The following C4orf50 variants were observed in gnomAD, a reference collection of about 807,000 sequenced individuals.
C4orf50 encodes chromosome 4 open reading frame 50, also known as uncharacterized protein C4orf50.
Under a neutral mutation model 77.2 loss-of-function variants are expected in C4orf50, and 80 were observed. The ratio of observed to expected loss-of-function variants is 1.04; its 90% CI spans 0.87 to 1.25. The LOEUF (loss-of-function observed/expected upper bound fraction) is 1.25, where lower values mean the gene tolerates loss of function less well. Among genes scored for constraint, C4orf50 ranks in the 50% most tolerant of loss-of-function variants. C4orf50 has a pLI of 0.00. For missense variants in C4orf50, 1,257 were observed against 1,152.9 expected (o/e 1.09, Z -1.31); for synonymous variants, 532 against 465.3 (o/e 1.14, Z -1.84).
chr4:5,948,695 T>C (rs910082222), intron 7 of C4orf50, among the ~76,000 whole-genome samples: 1 of 151,192 alleles, frequency 6.6e-6, no homozygotes, highest in African/African-American at 2.4e-5. Flanking sequence ...CTCAGGAGGC[T>C]GAAGTAGGGG....
chr4:5,942,873 T>C (rs1020110690), intron 7 of C4orf50, among the ~76,000 whole-genome samples: 2 of 152,216 alleles, frequency 1.3e-5, no homozygotes, highest in African/African-American at 2.4e-5. Context: ...CCTGGATGCG[T>C]AAGGATAAAT....
chr4:5,993,857 TA>T (rs10708646), intron 26 of C4orf50, among the ~76,000 whole-genome samples: 38,850 of 144,194 alleles, frequency 0.27, 6,100 homozygotes, highest in African/African-American at 0.45. Flanking sequence ...TAAAAATAAA[TA>T]AAAAAAAAAA....
chr4:6,004,393 GT>G (rs1722133286), intron 25 of C4orf50, among the ~76,000 whole-genome samples: 1 of 30,002 alleles, frequency 3.3e-5, no homozygotes, highest in African/African-American at 8.6e-5. Flanking sequence ...GGTGATGGTG[GT>G]GATGGTGATG....
Position 5,974,030 on chromosome 4 carries a change from G to A in C4orf50, c.3922-189C>T, listed in dbSNP as rs373294997. ...AAGCCAGGCTGCTTTCGGAGCAGAC[G>A]GCCACACACCCCCAGGGGCTCCGCA... On this transcript the variant is annotated intron_variant, in intron 30 of 33. Transcript: ENST00000531445. Among the ~76,000 whole-genome samples the A allele has an allele frequency of 3.5e-4, 53 of 152,294 alleles. 1 individual carries two copies. The South Asian group carries it at 9.5e-3, about 27-fold the overall frequency.
At chr4:5,983,209 A>G (rs1720692046) in intron 28 of C4orf50, among the ~76,000 whole-genome samples, 2 of 152,212 alleles carry the variant, frequency 1.3e-5, no homozygotes, top group African/African-American at 4.8e-5. Context: ...TTCTTAGAGC[A>G]GACAGATCTT....
intron 31 of C4orf50, among the ~76,000 whole-genome samples, chr4:5,972,867 C>T (rs1405796192): frequency 6.6e-6 from 1 of 152,182 alleles, no homozygotes; most frequent in Non-Finnish European, 1.5e-5. Context: ...GGCTGGGCAC[C>T]CGTGGGTGCT....
chr4:5,989,656 T>G, exon 28 of C4orf50: 1 of 1,536,114 alleles, frequency 6.5e-7, no homozygotes, highest in Non-Finnish European at 8.7e-7. Context: ...TGCACACCTG[T>G]TGTGTCCTTT....
intron 25 of C4orf50, among the ~76,000 whole-genome samples, chr4:6,006,855 G>A (rs747015247): frequency 6.6e-6 from 1 of 152,174 alleles, no homozygotes; most frequent in Non-Finnish European, 1.5e-5. Context: ...CTGACCTCAA[G>A]GAGCTCACAG....
In C4orf50 at chr4:5,987,412, C is replaced by CAAAAAAAAAAAAAAAAA. The variant is rs58512584; in HGVS notation, c.3699+918_3699+934dup. 1.9e-3 allele frequency among the ~76,000 whole-genome samples: 64 copies of CAAAAAAAAAAAAAAAAA among 33,646 alleles called. 6 individuals are homozygous for CAAAAAAAAAAAAAAAAA. Among genetic ancestry groups the CAAAAAAAAAAAAAAAAA allele is most frequent in the Admixed American group, 3.0e-3 (5 of 1,666 alleles). 22.1% of individuals were successfully genotyped at this position (33,646 alleles called of 152,430 possible). A position where few individuals can be genotyped will look rare whatever the true frequency, so the allele number is the denominator to read the frequency against. Reference sequence around the variant, plus strand: ...GGTGACAGAGCGAGACTCTGTCTCACAAAAAAAAAAAAAAAAAAAAAAAGA... The same window carrying CAAAAAAAAAAAAAAAAA: ...GGTGACAGAGCGAGACTCTGTCTCACAAAAAAAAAAAAAAAAAAAAAAAAAAAAAAAAAAAAAAAAGA... On this transcript the variant is annotated intron_variant, in intron 28 of 33. Transcript: ENST00000531445.
At chr4:5,976,523 A>G (rs1720298721) in intron 29 of C4orf50, among the ~76,000 whole-genome samples, 1 of 150,980 alleles carries the variant, frequency 6.6e-6, no homozygotes, top group South Asian at 2.1e-4. Context: ...GGCCAGCTCC[A>G]AGCCCTCTTC....
At position 5,970,760 on chromosome 4, in the gene C4orf50, G is replaced by T. The variant is rs1312574331; in HGVS notation, c.4104+2899C>A. Among the ~76,000 whole-genome samples the T allele has an allele frequency of 6.6e-6, 1 of 152,172 alleles. No homozygotes were observed. Among genetic ancestry groups the T allele is most frequent in the Non-Finnish European group, 1.5e-5 (1 of 68,026 alleles). On this transcript the variant is annotated intron_variant, in intron 31 of 33. Transcript: ENST00000531445. This position sits in a 1 kb window ranked among gnomAD's most constrained non-coding sequence, Gnocchi z 4.3. ...AGGCCACGCCACCTCCTCCTGAAAGGGTAGAGCTTAGTGGCCTCAGCCCAA... is the reference window on the plus strand; with the variant it reads ...AGGCCACGCCACCTCCTCCTGAAAGTGTAGAGCTTAGTGGCCTCAGCCCAA...
At chr4:5,959,085 T>C (rs892155061) in exon 34 of C4orf50, 7 of 303,884 alleles carry the variant, frequency 2.3e-5, no homozygotes, top group Non-Finnish European at 3.7e-5. Flanking sequence ...GGGCTAAAAC[T>C]GTGCCCAGTT....
chr4:5,922,973 T>C (rs1717347886), intron 7 of C4orf50, among the ~76,000 whole-genome samples: 1 of 152,158 alleles, frequency 6.6e-6, no homozygotes, highest in Non-Finnish European at 1.5e-5. Context: ...GTAATCATCA[T>C]TCTAAACATT....
At chr4:5,950,618 C>T (rs1016387198) in intron 7 of C4orf50, among the ~76,000 whole-genome samples, 2 of 152,220 alleles carry the variant, frequency 1.3e-5, no homozygotes, top group East Asian at 1.9e-4. Flanking sequence ...CAGTTTTCCA[C>T]TCAAAATGGC....
intron 7 of C4orf50, among the ~76,000 whole-genome samples, chr4:5,939,768 C>T (rs1029046304): frequency 2.0e-5 from 3 of 152,056 alleles, no homozygotes; most frequent in African/African-American, 7.2e-5. Context: ...GTCCCCTGTC[C>T]CCAGACTGCA....
At chr4:5,944,133 G>A (rs1718384750) in intron 7 of C4orf50, among the ~76,000 whole-genome samples, 1 of 152,148 alleles carries the variant, frequency 6.6e-6, no homozygotes, top group African/African-American at 2.4e-5. Context: ...CCTGCGCTCT[G>A]GGCATCGAGC....
chr4:5,971,938 G>C (rs1719948967), intron 31 of C4orf50, among the ~76,000 whole-genome samples: 1 of 152,126 alleles, frequency 6.6e-6, no homozygotes, highest in African/African-American at 2.4e-5. Flanking sequence ...CAGCCAGCCA[G>C]CCGGCCTTCC....
Position 6,011,394 on chromosome 4 carries a change from T to C in C4orf50, c.426+436A>G, listed in dbSNP as rs963846452. On this transcript the variant is annotated intron_variant, in intron 24 of 33. Coordinates refer to ENST00000531445, the Ensembl canonical transcript of C4orf50. This position sits in a 1 kb window ranked among gnomAD's most constrained non-coding sequence, Gnocchi z 4.2. ...CCTTCCCAACAAGGCCCAGCTCACA[T>C]GGCCTCAGCTCTCTGTAGCTCTCCT... Among the ~76,000 whole-genome samples the C allele has an allele frequency of 1.3e-5, 2 of 152,088 alleles. No individual in the cohort carries two copies. Among genetic ancestry groups the C allele is most frequent in the Admixed American group, 1.3e-4 (2 of 15,290 alleles).
intron 7 of C4orf50, among the ~76,000 whole-genome samples, chr4:5,931,278 G>A (rs546884339): frequency 6.6e-6 from 1 of 152,296 alleles, no homozygotes; most frequent in East Asian, 1.9e-4. Flanking sequence ...CCAAGAGGCG[G>A]CCCCCAAACA....
Sources: gnomAD v4.1 joint callset for allele counts (sites outside exome capture counted in the v4.1 genomes callset) on GRCh38, gnomAD v4.1.1 for gene constraint, Gnocchi (gnomAD v3.1) non-coding constraint, MANE v1.5 for transcripts, NCBI Gene and HGNC (gene_info 2026-07-23, HGNC 2026-07-21) for gene names.